SCN9A: variants seen among roughly 807,000 people sequenced by gnomAD.
SCN9A encodes sodium voltage-gated channel alpha subunit 9.
Under a neutral mutation model 187.0 loss-of-function variants are expected in SCN9A, and 131 were observed. The ratio of observed to expected loss-of-function variants is 0.70; its 90% CI spans 0.61 to 0.81. SCN9A has a LOEUF of 0.81. Ranked by LOEUF, SCN9A falls within the 30% of genes least tolerant of loss-of-function variation. SCN9A has a pLI of 0.00. For synonymous variants in SCN9A, 809 were observed against 808.6 expected, an observed-to-expected ratio of 1.00 and a Z score of -0.01; for missense variants, 2,252 against 2,396.6, an observed-to-expected ratio of 0.94 and a Z score of 1.26.
At chr2:166,258,784 T>C (rs1696385447) in intron 17 of SCN9A, among the ~76,000 whole-genome samples, 1 of 151,692 alleles carries the variant, frequency 6.6e-6, no homozygotes, top group Non-Finnish European at 1.5e-5. Context: ...AAACACTTCT[T>C]CCACAATTTT....
intron 1 of SCN9A, among the ~76,000 whole-genome samples, chr2:166,360,197 CA>C (rs1700244994): frequency 9.7e-6 from 1 of 102,668 alleles, no homozygotes; most frequent in Non-Finnish European, 1.8e-5. Context: ...CCAGCCTGGG[CA>C]ACAAGAGCGA....
chr2:166,294,163 A>G (rs1698199218), intron 8 of SCN9A, among the ~76,000 whole-genome samples: 1 of 152,238 alleles, frequency 6.6e-6, no homozygotes, highest in Admixed American at 6.5e-5. Flanking sequence ...CCCAAGTCCA[A>G]GGAATCCCTT....
At chr2:166,367,159 C>T (rs1700436691) in intron 1 of SCN9A, among the ~76,000 whole-genome samples, 1 of 152,190 alleles carries the variant, frequency 6.6e-6, no homozygotes, top group African/African-American at 2.4e-5. Context: ...CACAAGATCA[C>T]TTTGCTTTTC....
intron 17 of SCN9A, among the ~76,000 whole-genome samples, chr2:166,264,032 A>G (rs993261738): frequency 1.3e-5 from 2 of 152,028 alleles, no homozygotes; most frequent in Non-Finnish European, 2.9e-5. Flanking sequence ...CAACAGCCGT[A>G]AGAAACTAAT....
intron 19 of SCN9A, 96 bp from the exon 20 acceptor site, chr2:166,238,363 G>A: frequency 1.2e-6 from 1 of 809,128 alleles, no homozygotes; most frequent in Non-Finnish European, 1.9e-6. Flanking sequence ...TGCTAAGACT[G>A]CTGAAACATA....
At position 166,305,793 on chromosome 2, in the gene SCN9A, C is replaced by T; in HGVS notation, c.595G>A (p.Ala199Thr). The change falls in exon 5 of 27, where the codon GCG becomes ACG. Residue 199 changes from alanine to threonine, a missense_variant and splice_region_variant. This residue lies in a region of SCN9A where 1,013 missense variants were observed against 997.4 expected (regional missense o/e 1.02). Coordinates refer to ENST00000642356, the MANE Select transcript of SCN9A (RefSeq NM_001365536.1). The stretch of plus-strand genomic sequence containing the variant: ...TTTCAAAAAGCTGAAAGTACTTACG[C>T]AAAAACAATGACGACAAAATCCAGC... The part of the protein sequence containing the change: ...NWLDFVVIVF[A>T]YLTEFVNLGN... 6 of 1,613,198 alleles carry T rather than the reference C, an allele frequency of 3.7e-6. No individual in the cohort carries two copies. The highest frequency in any genetic ancestry group is 5.1e-6 in the Non-Finnish European group (6 of 1,179,472).
intron 1 of SCN9A, 72 bp from the exon 2 acceptor site, chr2:166,311,878 A>G: frequency 1.2e-6 from 1 of 837,594 alleles, no homozygotes; most frequent in Non-Finnish European, 1.8e-6. Flanking sequence ...ACTAATAATA[A>G]CAACATAAAC....
intron 24 of SCN9A, among the ~76,000 whole-genome samples, chr2:166,223,704 G>A (rs991094699): frequency 1.3e-5 from 2 of 152,100 alleles, no homozygotes; most frequent in Non-Finnish European, 1.5e-5. Flanking sequence ...TAAAAATTTT[G>A]TTAAGCAGGT....
At chr2:166,250,588 A>T (rs1410154248) in intron 18 of SCN9A, among the ~76,000 whole-genome samples, 1 of 151,972 alleles carries the variant, frequency 6.6e-6, no homozygotes, top group Non-Finnish European at 1.5e-5. Flanking sequence ...TTGCAGCCCT[A>T]CTCTGGGCTT....
chr2:166,325,556 T>A (rs1454709656), intron 1 of SCN9A, among the ~76,000 whole-genome samples: 1 of 152,182 alleles, frequency 6.6e-6, no homozygotes, highest in East Asian at 1.9e-4. Flanking sequence ...AATACACTTA[T>A]GAGGGAATCT....
intron 1 of SCN9A, among the ~76,000 whole-genome samples, chr2:166,327,239 G>A (rs1161973952): frequency 6.6e-6 from 1 of 152,084 alleles, no homozygotes; most frequent in Non-Finnish European, 1.5e-5. Context: ...GCTCACTGGA[G>A]CATCATCCTC....
intron 1 of SCN9A, among the ~76,000 whole-genome samples, chr2:166,324,064 T>A (rs1214788832): frequency 1.3e-5 from 2 of 151,692 alleles, no homozygotes. Flanking sequence ...AACTCTATAA[T>A]AATTTCAGGC....
intron 1 of SCN9A, among the ~76,000 whole-genome samples, chr2:166,342,501 C>A (rs981199818): frequency 3.3e-5 from 5 of 152,102 alleles, no homozygotes; most frequent in Middle Eastern, 3.2e-3. Context: ...GTGGCTTAAA[C>A]TGTTTTTTAA....
intron 19 of SCN9A, among the ~76,000 whole-genome samples, chr2:166,239,265 G>A (rs554013055): frequency 6.8e-6 from 1 of 146,888 alleles, no homozygotes; most frequent in African/African-American, 2.5e-5. Flanking sequence ...CACTGAAAAT[G>A]ATTGCTGATC....
At chr2:166,238,066 C>G (rs1695398940) in intron 20 of SCN9A, 28 bp downstream of exon 20, 1 of 1,557,362 alleles carries the variant, frequency 6.4e-7, no homozygotes. Context: ...AATAAATCCT[C>G]TTTTAAAATG....
intron 24 of SCN9A, among the ~76,000 whole-genome samples, chr2:166,219,775 A>G (rs935846417): frequency 3.9e-5 from 6 of 152,190 alleles, no homozygotes; most frequent in African/African-American, 1.4e-4. Flanking sequence ...AAATAAATGT[A>G]TATTTCAAAA....
At chr2:166,295,812 T>C (rs958270629) in intron 7 of SCN9A, among the ~76,000 whole-genome samples, 1 of 152,230 alleles carries the variant, frequency 6.6e-6, no homozygotes, top group Non-Finnish European at 1.5e-5. Context: ...ATGCAGATTT[T>C]CCATGTTTCA....
intron 19 of SCN9A, among the ~76,000 whole-genome samples, chr2:166,242,036 A>C (rs1386788373): frequency 6.6e-6 from 1 of 152,018 alleles, no homozygotes; most frequent in African/African-American, 2.4e-5. Context: ...AACCTGTTAC[A>C]CTCTAGGACT....
chr2:166,306,710 C>G (rs1698770138), intron 3 of SCN9A, 111 bp from the exon 4 acceptor site: 1 of 785,258 alleles, frequency 1.3e-6, no homozygotes. Context: ...TCTAAATGAG[C>G]TTGTAGACTA....
Sources: allele counts gnomAD v4.1 joint callset (sites outside exome capture counted in the v4.1 genomes callset), GRCh38; gene constraint gnomAD v4.1.1; regional missense constraint gnomAD v4.1.1; transcripts MANE v1.5; gene names NCBI Gene and HGNC (gene_info 2026-07-23, HGNC 2026-07-21).